ERI3: variants seen among roughly 807,000 people sequenced by gnomAD.
ERI3 encodes ERI1 exoribonuclease 3.
ERI3 carries 18 observed loss-of-function variants against 44.4 expected under a neutral mutation model. The ratio of observed to expected loss-of-function variants is 0.41; its 90% confidence interval spans 0.28 to 0.60. The LOEUF is 0.60. Among genes scored for constraint, ERI3 ranks in the 20% least tolerant of loss-of-function variants. The pLI, the probability that ERI3 is intolerant of heterozygous loss-of-function variation, is 0.36. For missense variants in ERI3, 294 were observed against 435.5 expected, an observed-to-expected ratio of 0.68 and a Z score of 2.89; for synonymous variants, 183 against 164.8, an observed-to-expected ratio of 1.11 and a Z score of -0.84.
intron 7 of ERI3, among the ~76,000 whole-genome samples, chr1:44,270,670 G>C (rs1645071461): frequency 1.3e-5 from 2 of 152,218 alleles, no homozygotes; most frequent in African/African-American, 4.8e-5. Flanking sequence ...CAGACTCTAA[G>C]CAGCAGCCAG....
chr1:44,248,702 AGTGT>A (rs143570480), intron 7 of ERI3, among the ~76,000 whole-genome samples: 56 of 148,472 alleles, frequency 3.8e-4, no homozygotes, highest in East Asian at 2.8e-3. Context: ...TGTGAGAGAG[AGTGT>A]GTGTGTGTGT....
intron 4 of ERI3, among the ~76,000 whole-genome samples, chr1:44,316,589 C>G (rs931262693): frequency 6.6e-6 from 1 of 152,166 alleles, no homozygotes; most frequent in Non-Finnish European, 1.5e-5. Context: ...CCAACACAAT[C>G]GTATTCTGAC....
rs556027999 is a variant in ERI3, at chr1:44,241,296, G to A, written c.931+6643C>T. ...AGGAAAATAAACTGAAATGAAGTCC[G>A]GTTATCTCCCATCTGTGGCTGCTCC... On this transcript the variant is annotated intron_variant, in intron 8 of 8. Coordinates refer to ENST00000372257, the MANE Select transcript of ERI3 (RefSeq NM_024066.3). The surrounding 1 kb of genome is among the most constrained non-coding windows in gnomAD (Gnocchi z 5.6). Among the ~76,000 whole-genome samples the A allele has an allele frequency of 7.2e-5, 11 of 152,220 alleles. No individual in the cohort carries two copies. The highest frequency in any genetic ancestry group is 7.2e-5 in the African/African-American group (3 of 41,514).
chr1:44,280,315 A>C (rs1645260166), intron 7 of ERI3, among the ~76,000 whole-genome samples: 2 of 152,182 alleles, frequency 1.3e-5, no homozygotes, highest in Admixed American at 1.3e-4. Context: ...AGAAATCTCT[A>C]TGTTGCATTA....
intron 8 of ERI3, among the ~76,000 whole-genome samples, chr1:44,230,938 GT>G (rs769011875): frequency 1.3e-5 from 2 of 152,060 alleles, no homozygotes; most frequent in Non-Finnish European, 2.9e-5. Context: ...CAATAACAAG[GT>G]TATTATCCAA....
rs1572221805 is a variant in ERI3, at chr1:44,300,970, A to G, written c.758+7340T>C. Among the ~76,000 whole-genome samples, 4 of 148,872 alleles carry G rather than the reference A, an allele frequency of 2.7e-5. 1 individual carries two copies. Among genetic ancestry groups the G allele is most frequent in the Admixed American group, 2.7e-4 (4 of 15,004 alleles). ...GCTCTGCAGGGAGCTTCACCCCACAATGAATGGCCCTCTCTCATTAGAGGC... is the reference window on the plus strand; with the variant it reads ...GCTCTGCAGGGAGCTTCACCCCACAGTGAATGGCCCTCTCTCATTAGAGGC... On this transcript the variant is annotated intron_variant, in intron 6 of 8. Transcript: ENST00000372257.
intron 8 of ERI3, among the ~76,000 whole-genome samples, chr1:44,243,127 G>A (rs1644478202): frequency 6.6e-6 from 1 of 152,168 alleles, no homozygotes; most frequent in Admixed American, 6.5e-5. Context: ...CTGCCCCCCT[G>A]GGGCCCAGGC....
intron 6 of ERI3, among the ~76,000 whole-genome samples, chr1:44,300,943 G>A (rs325153): frequency 0.57 from 86,926 of 151,822 alleles, 26,753 homozygotes; most frequent in East Asian, 0.74. Flanking sequence ...ATGGCATCCC[G>A]GGCTCTGCAG....
At chr1:44,353,771 A>G in intron 1 of ERI3, 1 of 985,460 alleles carries the variant, frequency 1.0e-6, no homozygotes, top group Non-Finnish European at 1.2e-6. Context: ...GGAATTGTTA[A>G]TGAGCTTTTA....
chr1:44,310,951 T>TCA (rs1553195166), intron 5 of ERI3, among the ~76,000 whole-genome samples: 11 of 95,058 alleles, frequency 1.2e-4, no homozygotes, highest in South Asian at 4.3e-4. Context: ...TATGTGCACA[T>TCA]CGCGCGCGCG....
intron 2 of ERI3, among the ~76,000 whole-genome samples, chr1:44,346,041 A>G (rs1467843360): frequency 6.6e-6 from 1 of 152,196 alleles, no homozygotes; most frequent in Non-Finnish European, 1.5e-5. Flanking sequence ...TTGAAGACAA[A>G]ACAAAGCTTG....
intron 3 of ERI3, among the ~76,000 whole-genome samples, chr1:44,331,425 T>A (rs931899899): frequency 6.6e-6 from 1 of 152,118 alleles, no homozygotes; most frequent in Non-Finnish European, 1.5e-5. Context: ...AGCCTCCTGA[T>A]AATGCCTCAG....
At chr1:44,352,273 G>C (rs773115518) in intron 2 of ERI3, among the ~76,000 whole-genome samples, 15 of 152,156 alleles carry the variant, frequency 9.9e-5, no homozygotes, top group Non-Finnish European at 1.9e-4. Context: ...CAAAGGCCTT[G>C]GTCAAATACA....
intron 6 of ERI3, among the ~76,000 whole-genome samples, chr1:44,288,826 A>G (rs1052758552): frequency 1.4e-4 from 22 of 151,902 alleles, no homozygotes; most frequent in African/African-American, 4.8e-4. Flanking sequence ...CAGTGGGTAC[A>G]TGGTTCCACC....
intron 2 of ERI3, among the ~76,000 whole-genome samples, chr1:44,347,124 CAT>C (rs1646800803): frequency 1.3e-5 from 2 of 152,190 alleles, no homozygotes; most frequent in Admixed American, 1.3e-4. Context: ...CATTTCCCCA[CAT>C]GACTGATTCC....
chr1:44,267,241 T>C (rs910890549), intron 7 of ERI3, among the ~76,000 whole-genome samples: 2 of 152,284 alleles, frequency 1.3e-5, no homozygotes, highest in South Asian at 4.1e-4. Context: ...TGTAGGTGGA[T>C]GAAGAGGGGA....
chr1:44,241,880 A>G lies in ERI3; in HGVS notation c.931+6059T>C, dbSNP rs879523205. ...AGAACCTTCTTCCATCCATCTGTCC[A>G]TCAACTCACCCACCCATCTAGTCCA... On this transcript the variant is annotated intron_variant, in intron 8 of 8. Coordinates refer to ENST00000372257, the MANE Select transcript of ERI3 (RefSeq NM_024066.3). This position sits in a 1 kb window ranked among gnomAD's most constrained non-coding sequence, Gnocchi z 5.6. 14 of 886,294 alleles carry G rather than the reference A, an allele frequency of 1.6e-5. No individual in the cohort carries two copies. The Admixed American group carries it at 8.7e-4, about 55-fold the overall frequency. 54.9% of individuals were successfully genotyped at this position (886,294 alleles called of 1,614,324 possible).
rs560655179 is a variant in ERI3, at chr1:44,233,320, C to T, written c.932-11680G>A. 5.4e-4 allele frequency among the ~76,000 whole-genome samples: 82 copies of T among 152,140 alleles called. 1 individual carries two copies. The highest frequency in any genetic ancestry group is 9.1e-4 in the Non-Finnish European group (62 of 68,026). Reference sequence around the variant, plus strand: ...GCAAACAATCTTATCTCCTACTCCACAGGAGCCACACAGAAGCCACTCTCC... The same window carrying T: ...GCAAACAATCTTATCTCCTACTCCATAGGAGCCACACAGAAGCCACTCTCC... On this transcript the variant is annotated intron_variant, in intron 8 of 8. Transcript: ENST00000372257.
intron 4 of ERI3, among the ~76,000 whole-genome samples, chr1:44,318,540 G>A (rs983851007): frequency 6.6e-6 from 1 of 152,202 alleles, no homozygotes; most frequent in East Asian, 1.9e-4. Context: ...GAGGCTAGGC[G>A]CCTTGGCAGA....
Sources: allele counts gnomAD v4.1 joint callset (sites outside exome capture counted in the v4.1 genomes callset), GRCh38; gene constraint gnomAD v4.1.1; non-coding constraint Gnocchi (gnomAD v3.1); transcripts MANE v1.5; gene names NCBI Gene and HGNC (gene_info 2026-07-23, HGNC 2026-07-21).